Variants in PLEKHA3 observed in about 807,000 individuals in gnomAD.
The protein encoded by PLEKHA3 is pleckstrin homology domain-containing family A member 3.
Under a neutral mutation model 39.2 loss-of-function variants are expected in PLEKHA3, and 19 were observed. The observed-to-expected ratio is 0.48, with a 90% CI of 0.34 to 0.71. PLEKHA3 has a LOEUF of 0.71. PLEKHA3 is among the 30% of genes least tolerant of loss of function. The pLI, the probability that PLEKHA3 is intolerant of heterozygous loss-of-function variation, is 0.01. For missense variants in PLEKHA3, 253 were observed against 359.5 expected, an observed-to-expected ratio of 0.70 and a Z score of 2.40; for synonymous variants, 97 against 118.6, an observed-to-expected ratio of 0.82 and a Z score of 1.18.
intron 6 of PLEKHA3, 66 bp downstream of exon 6, chr2:178,499,320 C>A: frequency 6.7e-7 from 1 of 1,503,556 alleles, no homozygotes; most frequent in South Asian, 1.2e-5. Flanking sequence ...GTTCTTTGGG[C>A]CTTTAACAAG....
At position 178,501,094 on chromosome 2, in the gene PLEKHA3, A is replaced by C. The variant is rs376059682; in HGVS notation, c.693A>C (p.Thr231=). The change falls in exon 7 of 8, where the codon ACA becomes ACC. Residue 231 remains threonine (T), a synonymous_variant. Coordinates refer to ENST00000234453, the MANE Select transcript of PLEKHA3 (RefSeq NM_019091.4). ...SSHSIKEPVS[T]LHRLSQRRRR... ...ACTCTATAAAAGAACCAGTATCTAC[A>C]CTTCACCGACTCTCCCAGCGACGCC... 1 of 1,613,330 alleles carries C rather than the reference A, an allele frequency of 6.2e-7. No individual in the cohort carries two copies. The highest frequency in any genetic ancestry group is 2.2e-5 in the East Asian group (1 of 44,862).
chr2:178,513,003 TC>T lies in PLEKHA3; in HGVS notation c.*9118del, dbSNP rs1685709818. On this transcript the variant is annotated 3_prime_UTR_variant, in exon 8 of 8. Transcript: ENST00000234453. ...CATTGCAATAGTTTGGATTAGCTCA[TC>T]CATAGCAGGGTGGTTAAATAAACAG... The T allele has an allele frequency of 6.5e-6, 1 of 153,640 alleles. No homozygotes were observed. Among genetic ancestry groups the T allele is most frequent in the Non-Finnish European group, 1.5e-5 (1 of 68,048 alleles). 9.5% of individuals were successfully genotyped at this position (153,640 alleles called of 1,614,324 possible). A position where few individuals can be genotyped will look rare whatever the true frequency, so the allele number is the denominator to read the frequency against.
rs1413462365 is a variant in PLEKHA3 at position 178,508,745 on chromosome 2, C to G, written c.*4858C>G. The G allele has an allele frequency of 1.3e-5, 2 of 153,716 alleles. No individual in the cohort carries two copies. The highest frequency in any genetic ancestry group is 2.4e-5 in the African/African-American group (1 of 41,414). 9.5% of individuals were successfully genotyped at this position (153,716 alleles called of 1,614,324 possible). ...ATTTGTATGATGACTTTTACTTAAT[C>G]CCTCTATCTTCATCCTCTCTCATGC... On this transcript the variant is annotated 3_prime_UTR_variant, in exon 8 of 8. Coordinates refer to ENST00000234453, the MANE Select transcript of PLEKHA3 (RefSeq NM_019091.4).
intron 2 of PLEKHA3, among the ~76,000 whole-genome samples, chr2:178,486,056 A>G (rs376788804): frequency 2.4e-4 from 36 of 152,208 alleles, no homozygotes; most frequent in Non-Finnish European, 4.3e-4. Flanking sequence ...GTCTATAAGC[A>G]TTCTATTTCA....
rs1220005093 is a variant in PLEKHA3 at position 178,505,554 on chromosome 2, T to C, written c.*1667T>C. ...CGTTGAGCAGGTAATCAGGTTTTTC[T>C]TGTTTTTTTTTTTTTTTTAAATTTT... On this transcript the variant is annotated 3_prime_UTR_variant, in exon 8 of 8. Coordinates refer to ENST00000234453, the MANE Select transcript of PLEKHA3 (RefSeq NM_019091.4). 1 of 150,906 alleles carries C rather than the reference T, an allele frequency of 6.6e-6. No homozygotes were observed. The highest frequency in any genetic ancestry group is 1.5e-5 in the Non-Finnish European group (1 of 67,682). The allele number at this position is 150,906 out of a possible 1,614,324, so 9.3% of individuals were successfully genotyped here.
chr2:178,484,075 T>C (rs1685212545), intron 1 of PLEKHA3, among the ~76,000 whole-genome samples: 2 of 152,204 alleles, frequency 1.3e-5, no homozygotes, highest in African/African-American at 4.8e-5. Flanking sequence ...AGATCCTGTC[T>C]CAAAAAACCA....
chr2:178,510,200 A>T lies in PLEKHA3; in HGVS notation c.*6313A>T, dbSNP rs989379950. 3.3e-5 allele frequency: 5 copies of T among 152,712 alleles called. No homozygotes were observed. Among genetic ancestry groups the T allele is most frequent in the African/African-American group, 1.2e-4 (5 of 41,454 alleles). 9.5% of individuals were successfully genotyped at this position (152,712 alleles called of 1,614,324 possible). A position where few individuals can be genotyped will look rare whatever the true frequency, so the allele number is the denominator to read the frequency against. Reference sequence around the variant, plus strand: ...GACCCTGCATTTAACTAGACTTCATATGAAATGTTCAGGTGTTAGGTGTTA... The same window carrying T: ...GACCCTGCATTTAACTAGACTTCATTTGAAATGTTCAGGTGTTAGGTGTTA... On this transcript the variant is annotated 3_prime_UTR_variant, in exon 8 of 8. Coordinates refer to ENST00000234453, the MANE Select transcript of PLEKHA3 (RefSeq NM_019091.4).
chr2:178,490,440 A>G (rs1036634850), intron 2 of PLEKHA3, among the ~76,000 whole-genome samples: 1 of 152,206 alleles, frequency 6.6e-6, no homozygotes, highest in East Asian at 1.9e-4. Context: ...ATACTCTGTC[A>G]TCGCTTTGGC....
rs1217253686 is a variant in PLEKHA3 at position 178,504,010 on chromosome 2, GACAA to G, written c.*128_*131del. 1 of 1,036,502 alleles carries G rather than the reference GACAA, an allele frequency of 9.6e-7. No homozygotes were observed. Among genetic ancestry groups the G allele is most frequent in the Non-Finnish European group, 1.4e-6 (1 of 727,974 alleles). The allele number at this position is 1,036,502 out of a possible 1,614,324, so 64.2% of individuals were successfully genotyped here. A position where few individuals can be genotyped will look rare whatever the true frequency, so the allele number is the denominator to read the frequency against. On this transcript the variant is annotated 3_prime_UTR_variant, in exon 8 of 8. Transcript: ENST00000234453. ...GCACTTTATAGAATGTTGTAAAACA[GACAA>G]ACAAGAAAACAAACCACATACTTTT...
chr2:178,496,469 G>T (rs1201797107), intron 5 of PLEKHA3, among the ~76,000 whole-genome samples: 2 of 152,094 alleles, frequency 1.3e-5, no homozygotes, highest in East Asian at 3.9e-4. Flanking sequence ...GGAGAATAGG[G>T]TCTAACTTCT....
At position 178,501,074 on chromosome 2, in the gene PLEKHA3, A is replaced by G. The variant is rs775027491; in HGVS notation, c.673A>G (p.Ile225Val). 6.8e-6 allele frequency: 11 copies of G among 1,612,138 alleles called. No individual in the cohort carries two copies. Among genetic ancestry groups the G allele is most frequent in the African/African-American group, 5.3e-5 (4 of 74,804 alleles). ...CTTAATTTGCAGGAGTAGCCACTCT[A>G]TAAAAGAACCAGTATCTACACTTCA... ...SCSSERSSHS[I>V]KEPVSTLHRL... is the part of the protein sequence containing the mutation. Residue 225 changes from isoleucine to valine, a missense_variant, in exon 7 of 8, where the codon ATA becomes GTA. Physicochemically the swap from Ile to Val is conservative, Grantham distance 29. Around this residue, in one of 2 missense-constraint regions of PLEKHA3, gnomAD observed 127 missense variants for 136.8 expected, o/e 0.93. Coordinates refer to ENST00000234453, the MANE Select transcript of PLEKHA3 (RefSeq NM_019091.4).
chr2:178,501,666 T>G (rs1010908057), intron 7 of PLEKHA3, among the ~76,000 whole-genome samples: 1 of 152,018 alleles, frequency 6.6e-6, no homozygotes, highest in African/African-American at 2.4e-5. Context: ...GGCAGCATAC[T>G]GTGATTGAAT....
In PLEKHA3 at chr2:178,507,096, A is replaced by C. The variant is rs923693050; in HGVS notation, c.*3209A>C. ...AGCATTCCAAAGACAAACACTTGGA[A>C]CTCTTAGTGGTTTGTGTTAGTATTT... On this transcript the variant is annotated 3_prime_UTR_variant, in exon 8 of 8. Transcript: ENST00000234453. 6.6e-6 allele frequency: 1 copy of C among 151,296 alleles called. No individual in the cohort carries two copies. Among genetic ancestry groups the C allele is most frequent in the Non-Finnish European group, 1.5e-5 (1 of 67,778 alleles). The allele number at this position is 151,296 out of a possible 1,614,324, so 9.4% of individuals were successfully genotyped here.
At chr2:178,490,927 G>T in intron 3 of PLEKHA3, 113 bp downstream of exon 3, 2 of 774,676 alleles carry the variant, frequency 2.6e-6, no homozygotes, top group Non-Finnish European at 3.8e-6. Flanking sequence ...AATTAGAAAT[G>T]TAGATTTACG....
Position 178,503,844 on chromosome 2 carries a change from A to C in PLEKHA3, c.860A>C (p.Lys287Thr). The C allele has an allele frequency of 1.9e-6, 3 of 1,611,884 alleles. No individual in the cohort carries two copies. Among genetic ancestry groups the C allele is most frequent in the Non-Finnish European group, 2.5e-6 (3 of 1,178,320 alleles). The change falls in exon 8 of 8, where the codon AAA (lysine) becomes ACA (threonine). Residue 287 changes from lysine (K) to threonine (T), a missense_variant. By Grantham distance (78) the Lys-to-Thr change is moderately conservative (BLOSUM62 -1). Coordinates refer to ENST00000234453, the MANE Select transcript of PLEKHA3 (RefSeq NM_019091.4). ...IPEESRLMAK[K>T]QSESEDTLPS... ...GAAGAAAGCAGACTTATGGCCAAAA[A>C]ACAATCTGAATCAGAAGATACTCTT... is the stretch of plus-strand genomic sequence containing the variant.
intron 6 of PLEKHA3, among the ~76,000 whole-genome samples, chr2:178,499,669 C>T (rs1174889868): frequency 6.6e-6 from 1 of 152,026 alleles, no homozygotes; most frequent in African/African-American, 2.4e-5. Flanking sequence ...TACAGTCACC[C>T]ACAACATTCA....
At chr2:178,502,376 A>C (rs1685539361) in intron 7 of PLEKHA3, 1 of 428,982 alleles carries the variant, frequency 2.3e-6, no homozygotes, top group Non-Finnish European at 4.7e-6. Flanking sequence ...GGGAAGGGGA[A>C]GGGAGAAAGA....
Position 178,506,544 on chromosome 2 carries a change from C to T in PLEKHA3, c.*2657C>T, listed in dbSNP as rs1323125861. On this transcript the variant is annotated 3_prime_UTR_variant, in exon 8 of 8. Coordinates refer to ENST00000234453, the MANE Select transcript of PLEKHA3 (RefSeq NM_019091.4). Reference sequence around the variant, plus strand: ...TCCACAGATGCCCTAGAACCTTTGACCTTGAATTGTAGTTTTTCAGTATGT... The same window carrying T: ...TCCACAGATGCCCTAGAACCTTTGATCTTGAATTGTAGTTTTTCAGTATGT... 2 of 152,084 alleles carry T rather than the reference C, an allele frequency of 1.3e-5. No homozygotes were observed. The highest frequency in any genetic ancestry group is 2.9e-5 in the Non-Finnish European group (2 of 68,008). The allele number at this position is 152,084 out of a possible 1,614,324, so 9.4% of individuals were successfully genotyped here.
chr2:178,481,656 G>C (rs370682277), intron 1 of PLEKHA3, among the ~76,000 whole-genome samples: 4 of 152,130 alleles, frequency 2.6e-5, no homozygotes, highest in Non-Finnish European at 5.9e-5. Flanking sequence ...TTAAATTTGA[G>C]TTGTAGTCCA....
Sources: gnomAD v4.1 joint callset for allele counts (sites outside exome capture counted in the v4.1 genomes callset) on GRCh38, gnomAD v4.1.1 for gene constraint, gnomAD v4.1.1 regional missense constraint, MANE v1.5 for transcripts, NCBI Gene and HGNC (gene_info 2026-07-23, HGNC 2026-07-21) for gene names.